The following S100PBP variants were observed in gnomAD, a reference collection of about 807,000 sequenced individuals.
S100PBP encodes the protein S100P-binding protein.
S100PBP carries 15 observed loss-of-function variants against 39.9 expected under a neutral mutation model. The observed-to-expected ratio is 0.38, with a 90% CI of 0.25 to 0.58. S100PBP has a LOEUF of 0.58. Among genes scored for constraint, S100PBP ranks in the 20% least tolerant of loss-of-function variants. The probability of loss-of-function intolerance (pLI) is 0.70; values close to 1 mark genes in which losing one functional copy is unlikely to be tolerated. For synonymous variants in S100PBP, 178 were observed against 180.3 expected (o/e 0.99, Z 0.10); for missense variants, 504 against 487.3 (o/e 1.03, Z -0.32).
chr1:32,854,149 A>G (rs1252573837), intron 6 of S100PBP, among the ~76,000 whole-genome samples: 1 of 152,038 alleles, frequency 6.6e-6, no homozygotes, highest in African/African-American at 2.4e-5. Context: ...CTCACCCCAT[A>G]TTCAGTCTAT....
At chr1:32,845,491 A>G (rs1024346845) in intron 5 of S100PBP, among the ~76,000 whole-genome samples, 1 of 151,666 alleles carries the variant, frequency 6.6e-6, no homozygotes, top group East Asian at 1.9e-4. Flanking sequence ...CTAGTCTCGA[A>G]CTCTTGGCCT....
At chr1:32,847,317 CTT>C (rs1458859257) in intron 5 of S100PBP, 3 of 152,190 alleles carry the variant, frequency 2.0e-5, no homozygotes, top group Non-Finnish European at 4.4e-5. Context: ...ATTTAAAAAA[CTT>C]TTTATTTTGA....
chr1:32,830,965 A>G (rs916067540), intron 5 of S100PBP, among the ~76,000 whole-genome samples: 5 of 152,074 alleles, frequency 3.3e-5, no homozygotes, highest in Admixed American at 2.6e-4. Context: ...CTATAATCCT[A>G]GCTACTCAGG....
chr1:32,857,292 G>C lies in S100PBP; in HGVS notation c.*1254G>C, dbSNP rs755820472. ...GACAGACTGTGCGTCTGTCTTAATG[G>C]ATGTCTTAGGAGTTGGTTATTCTCT... On this transcript the variant is annotated 3_prime_UTR_variant, in exon 7 of 7. Transcript: ENST00000373475. The C allele has an allele frequency of 6.7e-6, 1 of 149,794 alleles. No individual in the cohort carries two copies. Among genetic ancestry groups the C allele is most frequent in the Non-Finnish European group, 1.5e-5 (1 of 67,574 alleles). The allele number at this position is 149,794 out of a possible 1,614,324, so 9.3% of individuals were successfully genotyped here. A position where few individuals can be genotyped will look rare whatever the true frequency, so the allele number is the denominator to read the frequency against.
intron 5 of S100PBP, among the ~76,000 whole-genome samples, chr1:32,846,285 G>A (rs941942057): frequency 6.6e-6 from 1 of 151,676 alleles, no homozygotes. Flanking sequence ...CACCACGCCT[G>A]CCCTCCTTAA....
chr1:32,826,965 G>A (rs975232066), intron 3 of S100PBP, 35 bp downstream of exon 3: 19 of 1,404,638 alleles, frequency 1.4e-5, no homozygotes, highest in Non-Finnish European at 1.7e-5. Context: ...AGAGAAAAAT[G>A]AAATTATTTT....
In S100PBP at chr1:32,831,815, C is replaced by CT. The variant is rs556918981; in HGVS notation, c.1024+1755dup. Among the ~76,000 whole-genome samples the CT allele has an allele frequency of 9.9e-5, 15 of 152,152 alleles. No individual in the cohort carries two copies. The South Asian group carries it at 2.7e-3, about 27-fold the overall frequency. ...TGCTTTTCCCTCTGTGAGCTGACTCCTTTTTTTATATCCTAGGCAGTTGAC... is the reference window on the plus strand; with the variant it reads ...TGCTTTTCCCTCTGTGAGCTGACTCCTTTTTTTTATATCCTAGGCAGTTGAC... On this transcript the variant is annotated intron_variant, in intron 5 of 6. Transcript: ENST00000373475.
Position 32,826,700 on chromosome 1 carries a change from A to T in S100PBP, c.601A>T (p.Ser201Cys), listed in dbSNP as rs145876761. Residue 201 changes from serine (S) to cysteine (C), a missense_variant, in exon 3 of 7, where the codon AGC becomes TGC. Transcript: ENST00000373475. ...SKLCTESEGI[S>C]PNNSAWNGPQ... ...ACTTTGTACTGAATCTGAAGGGATC[A>T]GCCCCAATAACTCTGCCTGGAATGG... The T allele has an allele frequency of 6.1e-5, 98 of 1,614,066 alleles. No homozygotes were observed. The highest frequency in any genetic ancestry group is 8.0e-5 in the Non-Finnish European group (94 of 1,180,024).
chr1:32,842,222 T>TATATATAA (rs1640142177), intron 5 of S100PBP, among the ~76,000 whole-genome samples: 1 of 43,176 alleles, frequency 2.3e-5, no homozygotes, highest in Non-Finnish European at 4.4e-5. Context: ...TATATATATG[T>TATATATAA]ATATATATAT....
At chr1:32,817,161 G>A (rs1317227330), upstream of S100PBP, 2 of 1,613,702 alleles carry the variant, frequency 1.2e-6, no homozygotes, top group East Asian at 2.2e-5. Context: ...AATCCCCAAC[G>A]GCGCATTTCC....
At position 32,829,960 on chromosome 1, in the gene S100PBP, C is replaced by G. The variant is rs1287400330; in HGVS notation, c.921-4C>G. The G allele has an allele frequency of 6.2e-7, 1 of 1,609,206 alleles. No individual in the cohort carries two copies. The highest frequency in any genetic ancestry group is 8.5e-7 in the Non-Finnish European group (1 of 1,176,244). On this transcript the variant is annotated splice_polypyrimidine_tract_variant and splice_region_variant and intron_variant, in intron 4 of 6. Transcript: ENST00000373475. ...TTTCTTTTTTCTGGTTTGCTTTATT[C>G]AAGGACTAATGTTCCGACGTTTTCA...
In S100PBP at chr1:32,826,438, C is replaced by T; in HGVS notation, c.339C>T (p.Leu113=). Residue 113 remains leucine, a synonymous_variant, in exon 3 of 7, where the codon CTC becomes CTT. Coordinates refer to ENST00000373475, the MANE Select transcript of S100PBP (RefSeq NM_022753.4). ...SLGPVAETPD[L]FKLPQLSTSS... is the part of the protein sequence containing the mutation. ...GACCAGTAGCTGAGACTCCTGACCT[C>T]TTCAAACTACCTCAGCTAAGTACAT... 1 of 1,614,140 alleles carries T rather than the reference C, an allele frequency of 6.2e-7. No individual in the cohort carries two copies.
intron 1 of S100PBP, chr1:32,818,292 A>G (rs1569805101): frequency 6.6e-6 from 1 of 152,262 alleles, no homozygotes; most frequent in Non-Finnish European, 1.5e-5. Flanking sequence ...GGAAGGCGAC[A>G]CCGTCCCGGG....
intron 5 of S100PBP, among the ~76,000 whole-genome samples, chr1:32,838,397 G>A (rs920368774): frequency 9.2e-5 from 14 of 151,374 alleles, no homozygotes; most frequent in Non-Finnish European, 2.1e-4. Flanking sequence ...TAGTTGTACC[G>A]TTTTTCATTT....
rs536644561 is a variant in S100PBP, at chr1:32,825,993, A to T, written c.-2-105A>T. ...AATTATTTCTTATGCTACAAGTCAC[A>T]GTGCAAAGATTTTGAAATACTAGAA... On this transcript the variant is annotated intron_variant, in intron 2 of 6. Transcript: ENST00000373475. 76 of 752,506 alleles carry T rather than the reference A, an allele frequency of 1.0e-4. No individual in the cohort carries two copies. In the African/African-American group the frequency reaches 1.3e-3, roughly 13 times the overall value. 46.6% of individuals were successfully genotyped at this position (752,506 alleles called of 1,614,324 possible). A position where few individuals can be genotyped will look rare whatever the true frequency, so the allele number is the denominator to read the frequency against.
intron 5 of S100PBP, chr1:32,852,870 T>G: frequency 1.9e-6 from 1 of 515,226 alleles, no homozygotes. Context: ...AATGAATGAA[T>G]GGTGGCTGCT....
intron 1 of S100PBP, among the ~76,000 whole-genome samples, chr1:32,820,850 A>G (rs1639024716): frequency 6.6e-6 from 1 of 152,164 alleles, no homozygotes; most frequent in Non-Finnish European, 1.5e-5. Context: ...AAAAAATAAA[A>G]ATAAAAAATT....
chr1:32,817,327 TGTCACGCGAGTCCAGCCAG>T, upstream of S100PBP: 1 of 1,562,762 alleles, frequency 6.4e-7, no homozygotes, highest in African/African-American at 1.3e-5. Context: ...TGCCGGGAAC[TGTCACGCGAGTCCAGCCAG>T]GTTGCATCAG....
At chr1:32,829,781 C>G (rs1358666310) in intron 4 of S100PBP, among the ~76,000 whole-genome samples, 183 bp from the exon 5 acceptor site, 1 of 152,126 alleles carries the variant, frequency 6.6e-6, no homozygotes, top group East Asian at 1.9e-4. Flanking sequence ...CTCTTGATTC[C>G]ATACTCCATT....
Sources: allele counts gnomAD v4.1 joint callset (sites outside exome capture counted in the v4.1 genomes callset), GRCh38; gene constraint gnomAD v4.1.1; transcripts MANE v1.5; gene names NCBI Gene and HGNC (gene_info 2026-07-23, HGNC 2026-07-21).